The following COG2 variants were observed in gnomAD, a reference collection of about 807,000 sequenced individuals.
The protein encoded by COG2 is component of oligomeric golgi complex 2, also known as conserved oligomeric Golgi complex subunit 2.
COG2 carries 52 observed loss-of-function variants against 90.6 expected under a neutral mutation model. The observed-to-expected ratio is 0.57, with a 90% CI of 0.46 to 0.72. The LOEUF (loss-of-function observed/expected upper bound fraction) is 0.72. Among genes scored for constraint, COG2 ranks in the 30% least tolerant of loss-of-function variants. The probability of loss-of-function intolerance (pLI) is 0.00; values close to 1 mark genes in which losing one functional copy is unlikely to be tolerated. For synonymous variants in COG2, 337 were observed against 320.4 expected, an observed-to-expected ratio of 1.05 and a Z score of -0.55; for missense variants, 829 against 891.2, an observed-to-expected ratio of 0.93 and a Z score of 0.89.
At chr1:230,662,145 CT>C (rs1662196101) in intron 3 of COG2, among the ~76,000 whole-genome samples, 1 of 152,136 alleles carries the variant, frequency 6.6e-6, no homozygotes, top group South Asian at 2.1e-4. Context: ...AGGCTCTAGT[CT>C]TTTCCTTGCC....
At position 230,663,127 on chromosome 1, in the gene COG2, T is replaced by G. The variant is rs1176888507; in HGVS notation, c.301-14T>G. On this transcript the variant is annotated splice_polypyrimidine_tract_variant and intron_variant, in intron 3 of 17. Coordinates refer to ENST00000366669, the MANE Select transcript of COG2 (RefSeq NM_007357.3). ...AACAATCTCTGCAGTACTTTTTTTT[T>G]TTGTCTTTTAAAGAGCCTTAGATCG... 4 of 1,587,358 alleles carry G rather than the reference T, an allele frequency of 2.5e-6. No individual in the cohort carries two copies.
chr1:230,678,430 G>A, intron 9 of COG2: 1 of 985,352 alleles, frequency 1.0e-6, no homozygotes, highest in Non-Finnish European at 1.2e-6. Context: ...ACTCTTAATG[G>A]TTTTGGTACA....
chr1:230,645,427 T>C (rs1661745603), intron 1 of COG2, among the ~76,000 whole-genome samples: 1 of 152,002 alleles, frequency 6.6e-6, no homozygotes, highest in African/African-American at 2.4e-5. Context: ...TTCATGTGTT[T>C]TACAGAAAAA....
chr1:230,693,015 G>C (rs1220624012), intron 17 of COG2, among the ~76,000 whole-genome samples: 1 of 151,864 alleles, frequency 6.6e-6, no homozygotes, highest in Non-Finnish European at 1.5e-5. Flanking sequence ...TTCTTTTCTA[G>C]AATGTTTTTA....
chr1:230,679,949 G>A (rs577001686), intron 10 of COG2: 1 of 152,340 alleles, frequency 6.6e-6, no homozygotes, highest in South Asian at 2.1e-4. Context: ...AGATGATTGA[G>A]AATGTATGTA....
rs573462530 is a variant in COG2, at chr1:230,659,478, C to T, written c.87C>T (p.Val29=). The change falls in exon 2 of 18, where the codon GTC becomes GTT. Residue 29 remains valine (V), a synonymous_variant. Coordinates refer to ENST00000366669, the MANE Select transcript of COG2 (RefSeq NM_007357.3). ...KDEFMKEDFD[V]DHFVSDCRKR... ...TTATTTTTCAGGAAGATTTCGATGT[C>T]GATCATTTTGTGTCTGACTGTAGGA... 11 of 1,613,038 alleles carry T rather than the reference C, an allele frequency of 6.8e-6. No homozygotes were observed. Among genetic ancestry groups the T allele is most frequent in the African/African-American group, 4.0e-5 (3 of 74,952 alleles).
chr1:230,684,264 T>G (rs575955734), intron 11 of COG2: 90 of 151,942 alleles, frequency 5.9e-4, no homozygotes, highest in African/African-American at 1.9e-3. Flanking sequence ...GAACAGCTGG[T>G]TTTTTTTAGC....
intron 5 of COG2, among the ~76,000 whole-genome samples, chr1:230,666,575 A>G (rs1170670322): frequency 6.6e-6 from 1 of 152,192 alleles, no homozygotes; most frequent in Non-Finnish European, 1.5e-5. Flanking sequence ...TTAAACTCCC[A>G]AGCTGCTCCT....
chr1:230,672,602 A>T (rs896118943), intron 8 of COG2, among the ~76,000 whole-genome samples: 3 of 152,080 alleles, frequency 2.0e-5, no homozygotes, highest in Admixed American at 2.0e-4. Context: ...AGGCCAAGGC[A>T]GGTGAATCGC....
At chr1:230,683,149 A>G (rs1268869244) in intron 10 of COG2, 1 of 160,530 alleles carries the variant, frequency 6.2e-6, no homozygotes, top group African/African-American at 2.4e-5. Flanking sequence ...CAGGTACAGA[A>G]TGCAGCTTTC....
rs1287106904 is a variant in COG2 at position 230,663,149 on chromosome 1, A to G, written c.309A>G (p.Arg103=). Residue 103 remains arginine (R), a synonymous_variant, in exon 4 of 18, where the codon AGA becomes AGG. Transcript: ENST00000366669. ...GQLREEVLSL[R]SSVSEGIRAV... ...TTTTTTGTCTTTTAAAGAGCCTTAG[A>G]TCGTCTGTCAGTGAAGGAATTCGGG... The G allele has an allele frequency of 3.7e-6, 6 of 1,608,652 alleles. No homozygotes were observed. Among genetic ancestry groups the G allele is most frequent in the Admixed American group, 1.7e-5 (1 of 59,344 alleles).
At chr1:230,687,623 GT>G (rs1662913967) in intron 13 of COG2, among the ~76,000 whole-genome samples, 1 of 152,056 alleles carries the variant, frequency 6.6e-6, no homozygotes, top group African/African-American at 2.4e-5. Flanking sequence ...GTATAGATCC[GT>G]ATGTTTTTGC....
intron 9 of COG2, among the ~76,000 whole-genome samples, 187 bp downstream of exon 9, chr1:230,675,311 GA>G (rs2102762896): frequency 6.6e-6 from 1 of 152,248 alleles, no homozygotes; most frequent in African/African-American, 2.4e-5. Context: ...ATACTTTTAG[GA>G]ATAAGAACAT....
rs1053337025 is a variant in COG2, at chr1:230,690,133, T to C, written c.1914T>C (p.Thr638=). ...QAIIQQWLEG[T]LSESTHKYYE... ...TAATTCAGCAGTGGCTAGAAGGCAC[T>C]CTCAGTGAAAGCACTCATAAGTAAG... The change falls in exon 16 of 18, where the codon ACT becomes ACC. Residue 638 remains threonine (T), a synonymous_variant. Transcript: ENST00000366669. The C allele has an allele frequency of 1.7e-5, 27 of 1,613,344 alleles. No homozygotes were observed. The highest frequency in any genetic ancestry group is 2.3e-5 in the Non-Finnish European group (27 of 1,179,734).
chr1:230,691,201 A>G (rs573326958), intron 16 of COG2, among the ~76,000 whole-genome samples, 183 bp from the exon 17 acceptor site: 70 of 152,078 alleles, frequency 4.6e-4, no homozygotes, highest in Non-Finnish European at 7.5e-4. Context: ...ATATACATGT[A>G]TATATATACA....
Position 230,663,234 on chromosome 1 carries a change from A to G in COG2, c.381+13A>G. On this transcript the variant is annotated intron_variant, in intron 4 of 17. Coordinates refer to ENST00000366669, the MANE Select transcript of COG2 (RefSeq NM_007357.3). The stretch of plus-strand genomic sequence containing the variant: ...TAGGAAAAAAAAGGTATACTCAAAT[A>G]TTACAATATTAAATCGTTGATTCAC... 6.3e-7 allele frequency: 1 copy of G among 1,598,784 alleles called. No homozygotes were observed. The highest frequency in any genetic ancestry group is 1.7e-5 in the Admixed American group (1 of 59,006).
Position 230,693,469 on chromosome 1 carries a change from ACT to A in COG2, c.*79_*80del, listed in dbSNP as rs1417415916. On this transcript the variant is annotated 3_prime_UTR_variant, in exon 18 of 18. Coordinates refer to ENST00000366669, the MANE Select transcript of COG2 (RefSeq NM_007357.3). Reference sequence around the variant, plus strand: ...CTTCCAGGCTGAAGGGGAGAAAGTGACTCTGTTCTCTTAGCAACCGTCTGTAG... The same window carrying A: ...CTTCCAGGCTGAAGGGGAGAAAGTGACTGTTCTCTTAGCAACCGTCTGTAG... The A allele has an allele frequency of 1.0e-4, 90 of 893,322 alleles. No homozygotes were observed. Among genetic ancestry groups the A allele is most frequent in the African/African-American group, 1.0e-3 (60 of 59,868 alleles). 55.3% of individuals were successfully genotyped at this position (893,322 alleles called of 1,614,324 possible). A position where few individuals can be genotyped will look rare whatever the true frequency, so the allele number is the denominator to read the frequency against.
intron 1 of COG2, among the ~76,000 whole-genome samples, chr1:230,643,645 C>T (rs1002612355): frequency 2.0e-5 from 3 of 152,102 alleles, no homozygotes; most frequent in South Asian, 4.1e-4. Flanking sequence ...CAGATTACAT[C>T]TCCAAAGCTG....
chr1:230,650,677 C>T (rs1466140595), intron 1 of COG2, among the ~76,000 whole-genome samples: 2 of 151,986 alleles, frequency 1.3e-5, no homozygotes, highest in Admixed American at 1.3e-4. Context: ...ATTTCTTTTG[C>T]TCTGCAGAGC....
Sources: allele counts gnomAD v4.1 joint callset (sites outside exome capture counted in the v4.1 genomes callset), GRCh38; gene constraint gnomAD v4.1.1; transcripts MANE v1.5; gene names NCBI Gene and HGNC (gene_info 2026-07-23, HGNC 2026-07-21).